The following SYNDIG1L variants were observed in gnomAD, a reference collection of about 807,000 sequenced individuals.
The protein encoded by SYNDIG1L is synapse differentiation-inducing gene protein 1-like.
SYNDIG1L carries 13 observed loss-of-function variants against 20.1 expected under a neutral mutation model. That is an observed-to-expected ratio of 0.65 (90% CI 0.42 to 1.03). The LOEUF (loss-of-function observed/expected upper bound fraction) is 1.03. Among genes scored for constraint, SYNDIG1L ranks in the 50% least tolerant of loss-of-function variants. The pLI, the probability that SYNDIG1L is intolerant of heterozygous loss-of-function variation, is 0.00. For synonymous variants in SYNDIG1L, 128 were observed against 129.3 expected (o/e 0.99, Z 0.07); for missense variants, 294 against 305.1 (o/e 0.96, Z 0.27).
the SYNDIG1L span, among the ~76,000 whole-genome samples, chr14:74,464,643 T>G: frequency 2.0e-5 from 3 of 152,216 alleles, no homozygotes; most frequent in South Asian, 6.2e-4. Context: ...GATGACCCCA[T>G]GAAATCTGGG....
At chr14:74,476,829 A>C in the SYNDIG1L span, among the ~76,000 whole-genome samples, 1 of 152,032 alleles carries the variant, frequency 6.6e-6, no homozygotes, top group Non-Finnish European at 1.5e-5. Flanking sequence ...CAACACCCAG[A>C]CCATTTAGTT....
chr14:74,418,352 G>T (rs2086193951), intron 1 of SYNDIG1L, among the ~76,000 whole-genome samples: 1 of 152,198 alleles, frequency 6.6e-6, no homozygotes, highest in Admixed American at 6.5e-5. Flanking sequence ...AGCTTTCTTT[G>T]TCTCAGTTTG....
At chr14:74,460,029 C>A in the SYNDIG1L span, among the ~76,000 whole-genome samples, 15,245 of 152,170 alleles carry the variant, frequency 0.1, 990 homozygotes, top group Non-Finnish European at 0.15. Context: ...CTCCAGGGAC[C>A]CCCAGCTCTT....
Position 74,406,147 on chromosome 14 carries a change from C to T in SYNDIG1L, c.*1388G>A, listed in dbSNP as rs1217261332. ...GCCTGCCCACATTGGTGCTGCCCCCCGCCTACCTGGAGATGTCTCTAAAAT... is the reference window on the plus strand; with the variant it reads ...GCCTGCCCACATTGGTGCTGCCCCCTGCCTACCTGGAGATGTCTCTAAAAT... On this transcript the variant is annotated 3_prime_UTR_variant, in exon 4 of 4. Transcript: ENST00000331628. The T allele has an allele frequency of 2.8e-5, 11 of 398,720 alleles. No individual in the cohort carries two copies. Among genetic ancestry groups the T allele is most frequent in the Non-Finnish European group, 4.0e-5 (9 of 226,388 alleles). The allele number at this position is 398,720 out of a possible 1,614,324, so 24.7% of individuals were successfully genotyped here.
chr14:74,423,519 G>A (rs2086240811), intron 1 of SYNDIG1L, among the ~76,000 whole-genome samples: 1 of 152,144 alleles, frequency 6.6e-6, no homozygotes, highest in East Asian at 1.9e-4. Context: ...GAGGAGGGGG[G>A]ACTGGTCCCC....
At chr14:74,422,653 T>TCA (rs34711949) in intron 1 of SYNDIG1L, among the ~76,000 whole-genome samples, 12,424 of 140,414 alleles carry the variant, frequency 0.088, 832 homozygotes, top group South Asian at 0.2. Context: ...ATCTCTCTCT[T>TCA]CACACACACA....
chr14:74,408,035 C>T, intron 2 of SYNDIG1L, 46 bp from the exon 3 acceptor site: 1 of 1,549,124 alleles, frequency 6.5e-7, no homozygotes, highest in South Asian at 1.3e-5. Flanking sequence ...ATCAGCCCAG[C>T]CCCATCAGGC....
chr14:74,421,596 A>T (rs1436473509), intron 1 of SYNDIG1L, among the ~76,000 whole-genome samples: 2 of 152,234 alleles, frequency 1.3e-5, no homozygotes, highest in Admixed American at 1.3e-4. Context: ...CACACACAGA[A>T]GAGCAGGATG....
At chr14:74,425,470 G>A (rs2086256983) in intron 1 of SYNDIG1L, among the ~76,000 whole-genome samples, 2 of 152,228 alleles carry the variant, frequency 1.3e-5, no homozygotes, top group Non-Finnish European at 2.9e-5. Flanking sequence ...AAATCTCAGA[G>A]CAGGGGGTAC....
chr14:74,427,614 T>G (rs2086276767), upstream of SYNDIG1L, among the ~76,000 whole-genome samples: 1 of 152,118 alleles, frequency 6.6e-6, no homozygotes. Flanking sequence ...GCTAAATATA[T>G]TATTGCTCTT....
chr14:74,444,906 C>T, the SYNDIG1L span, among the ~76,000 whole-genome samples: 1 of 152,118 alleles, frequency 6.6e-6, no homozygotes, highest in Admixed American at 6.5e-5. Flanking sequence ...ACAGTTTTTC[C>T]TTCTAATTTC....
At chr14:74,452,591 T>C in the SYNDIG1L span, among the ~76,000 whole-genome samples, 1 of 152,230 alleles carries the variant, frequency 6.6e-6, no homozygotes, top group African/African-American at 2.4e-5. Flanking sequence ...CTTTCTTTTG[T>C]AAACTGCCCA....
the SYNDIG1L span, among the ~76,000 whole-genome samples, chr14:74,435,082 CAAAAAAA>C: frequency 1.1e-3 from 61 of 54,976 alleles, no homozygotes; most frequent in Non-Finnish European, 1.7e-3. Context: ...GACTCCGTCT[CAAAAAAA>C]AAAAAAAAAA....
At chr14:74,431,074 G>T (rs529734161), upstream of SYNDIG1L, among the ~76,000 whole-genome samples, 81 of 152,326 alleles carry the variant, frequency 5.3e-4, no homozygotes, top group African/African-American at 1.9e-3. Flanking sequence ...TGATGGGGCT[G>T]GGGGAGTTGC....
chr14:74,472,964 T>TA, the SYNDIG1L span, among the ~76,000 whole-genome samples: 1 of 152,168 alleles, frequency 6.6e-6, no homozygotes, highest in Non-Finnish European at 1.5e-5. Flanking sequence ...CAGCTGGGTA[T>TA]ACACTAGGGT....
the SYNDIG1L span, among the ~76,000 whole-genome samples, chr14:74,448,449 A>T: frequency 3.3e-5 from 5 of 152,204 alleles, no homozygotes; most frequent in African/African-American, 4.8e-5. Context: ...AGAACATAAC[A>T]ATCTATACAG....
In SYNDIG1L at chr14:74,426,042, G is replaced by T. The variant is rs970564545; in HGVS notation, c.-188C>A. On this transcript the variant is annotated 5_prime_UTR_variant, in exon 1 of 4. Coordinates refer to ENST00000331628, the MANE Select transcript of SYNDIG1L (RefSeq NM_001105579.2). ...AGGGCTCCCCTGCTCTCGTCCCCGC[G>T]TCCCTGAGCAGCCGCCGCTTCAGCA... 1.1e-4 allele frequency: 16 copies of T among 152,314 alleles called. No homozygotes were observed. In the South Asian group the frequency reaches 1.9e-3, roughly 18 times the overall value. The allele number at this position is 152,314 out of a possible 1,614,324, so 9.4% of individuals were successfully genotyped here. A position where few individuals can be genotyped will look rare whatever the true frequency, so the allele number is the denominator to read the frequency against.
At chr14:74,438,515 G>A in the SYNDIG1L span, among the ~76,000 whole-genome samples, 2 of 152,156 alleles carry the variant, frequency 1.3e-5, no homozygotes, top group African/African-American at 4.8e-5. Flanking sequence ...AAGGTTCACA[G>A]GCAGAAAACT....
chr14:74,472,430 A>C, the SYNDIG1L span: 1 of 152,238 alleles, frequency 6.6e-6, no homozygotes, highest in Non-Finnish European at 1.5e-5. Context: ...ATAGTTAATC[A>C]TTCCATTAAT....
Sources: gnomAD v4.1 joint callset for allele counts (sites outside exome capture counted in the v4.1 genomes callset) on GRCh38, gnomAD v4.1.1 for gene constraint, MANE v1.5 for transcripts, NCBI Gene and HGNC (gene_info 2026-07-23, HGNC 2026-07-21) for gene names.